The following DPP6 variants were observed in gnomAD, a reference collection of about 807,000 sequenced individuals.
DPP6 encodes the protein A-type potassium channel modulatory protein DPP6.
Under a neutral mutation model 122.6 loss-of-function variants are expected in DPP6, and 69 were observed. The ratio of observed to expected loss-of-function variants is 0.56; its 90% CI spans 0.46 to 0.69. The LOEUF (loss-of-function observed/expected upper bound fraction) is 0.69, where lower values mean the gene tolerates loss of function less well. Ranked by LOEUF, DPP6 falls within the 30% of genes least tolerant of loss-of-function variation. DPP6 has a pLI of 0.00. For synonymous variants in DPP6, 418 were observed against 433.1 expected, an observed-to-expected ratio of 0.97 and a Z score of 0.43; for missense variants, 928 against 1,116.9, an observed-to-expected ratio of 0.83 and a Z score of 2.41.
At chr7:154,264,815 A>G (rs1415881957) in intron 1 of DPP6, among the ~76,000 whole-genome samples, 1 of 151,914 alleles carries the variant, frequency 6.6e-6, no homozygotes, top group Non-Finnish European at 1.5e-5. Flanking sequence ...AATGGTGTTG[A>G]TAATGATAGT....
At chr7:153,966,219 T>C (rs1795709054) in intron 1 of DPP6, among the ~76,000 whole-genome samples, 1 of 148,524 alleles carries the variant, frequency 6.7e-6, no homozygotes, top group South Asian at 2.2e-4. Context: ...AAAACACACA[T>C]ATATGGGGCT....
chr7:154,885,553 G>A, intron 21 of DPP6, 80 bp from the exon 22 acceptor site: 1 of 1,518,620 alleles, frequency 6.6e-7, no homozygotes, highest in Non-Finnish European at 8.9e-7. Flanking sequence ...GCTGCTCTGG[G>A]GCTGTCTCCC....
intron 1 of DPP6, among the ~76,000 whole-genome samples, chr7:154,405,350 AAAT>A (rs1815992813): frequency 6.6e-6 from 1 of 152,190 alleles, no homozygotes; most frequent in African/African-American, 2.4e-5. Context: ...GTTCAGGTTT[AAAT>A]AATGTTTTGT....
intron 1 of DPP6, among the ~76,000 whole-genome samples, chr7:153,923,440 C>CA (rs1232748676): frequency 6.6e-6 from 1 of 151,986 alleles, no homozygotes; most frequent in East Asian, 1.9e-4. Context: ...TTCAGAAGTC[C>CA]AAGGAGGCAG....
At chr7:153,890,168 G>A (rs1330765227) in intron 1 of DPP6, among the ~76,000 whole-genome samples, 1 of 152,210 alleles carries the variant, frequency 6.6e-6, no homozygotes, top group Non-Finnish European at 1.5e-5. Context: ...ACAAAAAGTG[G>A]CAGAATGTTT....
At chr7:154,509,387 G>A (rs879199603) in intron 3 of DPP6, among the ~76,000 whole-genome samples, 15 of 152,132 alleles carry the variant, frequency 9.9e-5, no homozygotes, top group South Asian at 2.1e-4. Context: ...GATATTTGAC[G>A]TCATCGTTCA....
chr7:154,713,694 G>A (rs1394977744), intron 7 of DPP6, among the ~76,000 whole-genome samples: 4 of 152,206 alleles, frequency 2.6e-5, no homozygotes, highest in Non-Finnish European at 5.9e-5. Flanking sequence ...CAGCAGAGGG[G>A]CCCTGGGTCC....
At chr7:154,842,502 C>A (rs924371467) in intron 16 of DPP6, among the ~76,000 whole-genome samples, 2 of 152,184 alleles carry the variant, frequency 1.3e-5, no homozygotes, top group African/African-American at 4.8e-5. Context: ...CCTGGGGCTG[C>A]AAACCAGAGA....
chr7:154,267,881 C>A (rs942078894), intron 1 of DPP6, among the ~76,000 whole-genome samples: 3 of 131,624 alleles, frequency 2.3e-5, no homozygotes, highest in African/African-American at 8.7e-5. Flanking sequence ...ATATATTTAT[C>A]CCTTATAAAC....
intron 1 of DPP6, among the ~76,000 whole-genome samples, chr7:154,301,057 AC>A (rs1805868353): frequency 6.6e-6 from 1 of 152,194 alleles, no homozygotes; most frequent in Non-Finnish European, 1.5e-5. Context: ...TTCTGCTGTG[AC>A]TTACTTGCTC....
chr7:154,686,052 C>T (rs991881336), intron 7 of DPP6, among the ~76,000 whole-genome samples: 15 of 152,056 alleles, frequency 9.9e-5, no homozygotes, highest in African/African-American at 2.7e-4. Flanking sequence ...GTGATAACAG[C>T]GGCCTTTTAG....
Position 154,892,115 on chromosome 7 carries a change from C to T in DPP6, c.2452-219C>T, listed in dbSNP as rs141397611. On this transcript the variant is annotated intron_variant, in intron 25 of 25. Coordinates refer to ENST00000377770, the MANE Select transcript of DPP6 (RefSeq NM_130797.4). ...TTCACGAATGGGTGGTGCATGTCCA[C>T]GCTAGGGGAGGCGCCCCTCTGACTG... Among the ~76,000 whole-genome samples the T allele has an allele frequency of 6.6e-5, 10 of 152,276 alleles. No individual in the cohort carries two copies. The East Asian group carries it at 1.9e-3, about 30-fold the overall frequency.
intron 1 of DPP6, among the ~76,000 whole-genome samples, chr7:154,443,093 G>A (rs1320317655): frequency 2.6e-5 from 4 of 152,018 alleles, no homozygotes; most frequent in African/African-American, 9.7e-5. Flanking sequence ...TCCCACTCTG[G>A]CCACTGCCTC....
intron 2 of DPP6, among the ~76,000 whole-genome samples, chr7:154,448,581 A>C (rs1820085472): frequency 6.6e-6 from 1 of 152,206 alleles, no homozygotes; most frequent in Non-Finnish European, 1.5e-5. Flanking sequence ...GTTGATTCTG[A>C]AATTCATATG....
chr7:154,816,183 G>A (rs866614846), intron 16 of DPP6, among the ~76,000 whole-genome samples: 23 of 152,130 alleles, frequency 1.5e-4, no homozygotes, highest in African/African-American at 5.3e-4. Flanking sequence ...ATAACAGTAT[G>A]GCAGTCCCCC....
chr7:154,156,306 A>T (rs1242679563), intron 1 of DPP6, among the ~76,000 whole-genome samples: 1 of 152,190 alleles, frequency 6.6e-6, no homozygotes, highest in African/African-American at 2.4e-5. Flanking sequence ...TTCATTTTGG[A>T]TGACTCAAAT....
chr7:154,717,923 G>A (rs1382678610), intron 7 of DPP6, among the ~76,000 whole-genome samples: 3 of 152,070 alleles, frequency 2.0e-5, no homozygotes, highest in Non-Finnish European at 4.4e-5. Context: ...GTTAATTTTT[G>A]TCTTTCTGAT....
chr7:154,840,192 T>G (rs1801407831), intron 16 of DPP6, among the ~76,000 whole-genome samples: 1 of 152,126 alleles, frequency 6.6e-6, no homozygotes, highest in Non-Finnish European at 1.5e-5. Flanking sequence ...CCCCATTGCT[T>G]GCAGGTAGTG....
Position 154,631,592 on chromosome 7 carries a change from G to A in DPP6, c.628-6229G>A, listed in dbSNP as rs560435016. On this transcript the variant is annotated intron_variant, in intron 5 of 25. Coordinates refer to ENST00000377770, the MANE Select transcript of DPP6 (RefSeq NM_130797.4). Reference sequence around the variant, plus strand: ...CGAGGCAGGAGAATCACTTGAGCATGGGAGGCAGTGGTTGCGGTGAGCCAA... The same window carrying A: ...CGAGGCAGGAGAATCACTTGAGCATAGGAGGCAGTGGTTGCGGTGAGCCAA... Among the ~76,000 whole-genome samples, 6 of 152,058 alleles carry A rather than the reference G, an allele frequency of 3.9e-5. No individual in the cohort carries two copies. The South Asian group carries it at 1.2e-3, about 32-fold the overall frequency.
Sources: gnomAD v4.1 joint callset for allele counts (sites outside exome capture counted in the v4.1 genomes callset) on GRCh38, gnomAD v4.1.1 for gene constraint, MANE v1.5 for transcripts, NCBI Gene and HGNC (gene_info 2026-07-23, HGNC 2026-07-21) for gene names.